Variants in FSTL5 observed in about 807,000 individuals in gnomAD.
FSTL5 encodes the protein follistatin like 5.
Under a neutral mutation model 89.1 loss-of-function variants are expected in FSTL5, and 62 were observed. That is an observed-to-expected ratio of 0.70 (90% CI 0.57 to 0.86). The LOEUF (loss-of-function observed/expected upper bound fraction) is 0.86. FSTL5 is among the 40% of genes least tolerant of loss of function. The probability of loss-of-function intolerance (pLI) is 0.00; values close to 1 mark genes in which losing one functional copy is unlikely to be tolerated. For synonymous variants in FSTL5, 383 were observed against 346.2 expected, an observed-to-expected ratio of 1.11 and a Z score of -1.18; for missense variants, 1,057 against 1,001.6, an observed-to-expected ratio of 1.06 and a Z score of -0.75.
chr4:162,050,084 T>A (rs1223944279), intron 2 of FSTL5, among the ~76,000 whole-genome samples: 1 of 151,828 alleles, frequency 6.6e-6, no homozygotes, highest in Non-Finnish European at 1.5e-5. Flanking sequence ...TCATAAGAAC[T>A]CCAGAAAAAT....
At chr4:161,795,123 C>G (rs1172817058) in intron 4 of FSTL5, among the ~76,000 whole-genome samples, 4 of 151,726 alleles carry the variant, frequency 2.6e-5, no homozygotes. Context: ...ATACAAATGA[C>G]TAAAGGAGTG....
intron 6 of FSTL5, among the ~76,000 whole-genome samples, chr4:161,755,348 A>T (rs1328190779): frequency 6.6e-6 from 1 of 152,088 alleles, no homozygotes; most frequent in Non-Finnish European, 1.5e-5. Flanking sequence ...TGTCTACTGG[A>T]ATAACACTGC....
intron 1 of FSTL5, among the ~76,000 whole-genome samples, chr4:162,121,782 A>G (rs1731873526): frequency 6.6e-6 from 1 of 152,038 alleles, no homozygotes; most frequent in African/African-American, 2.4e-5. Flanking sequence ...TTTATACACA[A>G]ATTTTCTTCT....
At chr4:161,708,222 C>T (rs546397149) in intron 6 of FSTL5, among the ~76,000 whole-genome samples, 25 of 152,020 alleles carry the variant, frequency 1.6e-4, no homozygotes, top group South Asian at 1.0e-3. Flanking sequence ...TTTTCACCTT[C>T]GTTTGTTTCA....
At chr4:161,581,347 C>G (rs1733431545) in intron 8 of FSTL5, among the ~76,000 whole-genome samples, 3 of 152,340 alleles carry the variant, frequency 2.0e-5, no homozygotes, top group Non-Finnish European at 2.9e-5. Context: ...GCTTCTCACT[C>G]TCTCATTTAT....
intron 1 of FSTL5, among the ~76,000 whole-genome samples, chr4:162,148,547 T>C (rs1020486861): frequency 1.3e-5 from 2 of 152,132 alleles, no homozygotes; most frequent in African/African-American, 4.8e-5. Flanking sequence ...TTAATTTAAT[T>C]AGAAGTTTTA....
intron 13 of FSTL5, among the ~76,000 whole-genome samples, chr4:161,470,552 A>G (rs1733900422): frequency 1.3e-5 from 2 of 152,082 alleles, no homozygotes; most frequent in Admixed American, 6.5e-5. Flanking sequence ...TTCTTTTGCA[A>G]GAATATATTT....
At chr4:161,494,283 C>T (rs1729989959) in intron 12 of FSTL5, among the ~76,000 whole-genome samples, 1 of 152,080 alleles carries the variant, frequency 6.6e-6, no homozygotes, top group South Asian at 2.1e-4. Context: ...TTTTGATTCC[C>T]TTTCTGAAAG....
At position 161,483,146 on chromosome 4, in the gene FSTL5, A is replaced by T. The variant is rs62324267; in HGVS notation, c.1459-1977T>A. Among the ~76,000 whole-genome samples the T allele has an allele frequency of 9.8e-3, 1,486 of 152,246 alleles. 9 individuals carry two copies. The highest frequency in any genetic ancestry group is 0.016 in the Non-Finnish European group (1,085 of 67,986). ...ATGCAGTATTACACTTTCATTCACCAATTCCTACTGACACACTGTTTTCTA... is the reference window on the plus strand; with the variant it reads ...ATGCAGTATTACACTTTCATTCACCTATTCCTACTGACACACTGTTTTCTA... On this transcript the variant is annotated intron_variant, in intron 12 of 15. Coordinates refer to ENST00000306100, the MANE Select transcript of FSTL5 (RefSeq NM_020116.5).
chr4:161,975,886 C>T (rs1422203923), intron 3 of FSTL5, among the ~76,000 whole-genome samples: 4 of 151,104 alleles, frequency 2.6e-5, no homozygotes, highest in East Asian at 1.9e-4. Flanking sequence ...GAGGCCGAGG[C>T]GGGCGGATCA....
intron 13 of FSTL5, among the ~76,000 whole-genome samples, chr4:161,464,593 A>G (rs774161085): frequency 1.2e-4 from 19 of 152,154 alleles, no homozygotes; most frequent in Non-Finnish European, 2.6e-4. Context: ...AATAGATTCT[A>G]TGCTCCCAGA....
At chr4:161,766,774 C>T (rs540118746) in intron 5 of FSTL5, among the ~76,000 whole-genome samples, 17 of 152,226 alleles carry the variant, frequency 1.1e-4, no homozygotes, top group East Asian at 5.8e-4. Context: ...GTGTAGACAA[C>T]GGCTGTATAG....
chr4:161,807,977 A>G (rs1411650486), intron 4 of FSTL5, among the ~76,000 whole-genome samples: 2 of 152,224 alleles, frequency 1.3e-5, no homozygotes, highest in Admixed American at 6.5e-5. Context: ...GGCAAAGAGC[A>G]CGAATAATAT....
intron 2 of FSTL5, 151 bp from the exon 3 acceptor site, chr4:162,033,809 T>A: frequency 1.9e-6 from 1 of 532,736 alleles, no homozygotes. Context: ...TACATATAAT[T>A]TTTTTTTGAG....
intron 3 of FSTL5, among the ~76,000 whole-genome samples, chr4:161,936,095 G>A (rs988250813): frequency 1.3e-5 from 2 of 152,068 alleles, no homozygotes; most frequent in Admixed American, 1.3e-4. Flanking sequence ...CATGAGATTC[G>A]CTTGAACCCA....
In FSTL5 at chr4:161,712,072, A is replaced by C. The variant is rs184024990; in HGVS notation, c.727+47339T>G. Among the ~76,000 whole-genome samples the C allele has an allele frequency of 1.7e-3, 255 of 152,196 alleles. 1 individual carries two copies. Among genetic ancestry groups the C allele is most frequent in the African/African-American group, 5.6e-3 (233 of 41,554 alleles). ...CTCCAAAGATCAAGAATAAGAAAAA[A>C]CATGTGTTTGTTACTACCTCTCTTC... On this transcript the variant is annotated intron_variant, in intron 6 of 15. Transcript: ENST00000306100.
chr4:161,416,592 C>T (rs1208220473), intron 15 of FSTL5, among the ~76,000 whole-genome samples: 1 of 152,088 alleles, frequency 6.6e-6, no homozygotes, highest in African/African-American at 2.4e-5. Flanking sequence ...CACCTGTGAT[C>T]CCAGCACTTT....
chr4:161,624,767 C>A (rs985904483), intron 7 of FSTL5, among the ~76,000 whole-genome samples: 4 of 151,800 alleles, frequency 2.6e-5, no homozygotes, highest in African/African-American at 9.7e-5. Context: ...TAAGTATTAC[C>A]TTTTCTAATA....
At chr4:161,905,368 A>C (rs1733492924) in intron 4 of FSTL5, among the ~76,000 whole-genome samples, 1 of 152,246 alleles carries the variant, frequency 6.6e-6, no homozygotes, top group East Asian at 1.9e-4. Flanking sequence ...GCTTACCTAG[A>C]GATGTCATTA....
Sources: allele counts gnomAD v4.1 joint callset (sites outside exome capture counted in the v4.1 genomes callset), GRCh38; gene constraint gnomAD v4.1.1; transcripts MANE v1.5; gene names NCBI Gene and HGNC (gene_info 2026-07-23, HGNC 2026-07-21).